The following KIAA1217 variants were observed in gnomAD, a reference collection of about 807,000 sequenced individuals.
KIAA1217 encodes KIAA1217, also known as sickle tail protein homolog.
Under a neutral mutation model 163.9 loss-of-function variants are expected in KIAA1217, and 88 were observed. The observed-to-expected ratio is 0.54, with a 90% CI of 0.45 to 0.64. The LOEUF (loss-of-function observed/expected upper bound fraction) is 0.64, where lower values mean the gene tolerates loss of function less well. Ranked by LOEUF, KIAA1217 falls within the 30% of genes least tolerant of loss-of-function variation. The probability of loss-of-function intolerance (pLI) is 0.00; values close to 1 mark genes in which losing one functional copy is unlikely to be tolerated. For synonymous variants in KIAA1217, 903 were observed against 923.1 expected (o/e 0.98, Z 0.39); for missense variants, 2,372 against 2,475.0 (o/e 0.96, Z 0.88).
chr10:24,462,533 C>A (rs962939435), intron 5 of KIAA1217, among the ~76,000 whole-genome samples: 2 of 152,204 alleles, frequency 1.3e-5, no homozygotes, highest in Non-Finnish European at 2.9e-5. Context: ...GGGGTTCTTG[C>A]TGCCTCACTG....
chr10:24,493,347 G>T (rs945638989), intron 6 of KIAA1217, among the ~76,000 whole-genome samples: 2 of 152,182 alleles, frequency 1.3e-5, no homozygotes, highest in Admixed American at 6.5e-5. Context: ...GGAGATAACA[G>T]CACAGGCAAT....
chr10:23,892,516 C>T (rs73604429), intron 1 of KIAA1217, among the ~76,000 whole-genome samples: 2,154 of 151,978 alleles, frequency 0.014, 57 homozygotes, highest in African/African-American at 0.049. Flanking sequence ...TGCCTCAGGA[C>T]TAGGAGTCTG....
At chr10:23,780,960 C>A (rs1008725948) in intron 1 of KIAA1217, among the ~76,000 whole-genome samples, 9 of 152,116 alleles carry the variant, frequency 5.9e-5, no homozygotes, top group Admixed American at 5.2e-4. Context: ...GGATTACAGG[C>A]GTGAGCCACC....
intron 1 of KIAA1217, among the ~76,000 whole-genome samples, chr10:23,863,224 G>T (rs562842997): frequency 6.6e-6 from 1 of 152,240 alleles, no homozygotes; most frequent in African/African-American, 2.4e-5. Context: ...AGCACTCAAT[G>T]CATATTAACG....
chr10:23,837,270 A>G (rs1250727621), intron 1 of KIAA1217, among the ~76,000 whole-genome samples: 1 of 152,112 alleles, frequency 6.6e-6, no homozygotes, highest in Non-Finnish European at 1.5e-5. Flanking sequence ...GCACTTTCTT[A>G]TGATGGACCT....
intron 9 of KIAA1217, among the ~76,000 whole-genome samples, chr10:24,505,553 T>A (rs1181199249): frequency 6.6e-6 from 1 of 152,106 alleles, no homozygotes; most frequent in Admixed American, 6.6e-5. Flanking sequence ...ACTGCACTTC[T>A]TCCCCTCCTT....
chr10:23,899,506 G>A (rs1260615497), intron 1 of KIAA1217, among the ~76,000 whole-genome samples: 1 of 152,134 alleles, frequency 6.6e-6, no homozygotes, highest in African/African-American at 2.4e-5. Context: ...GAGGGAAAGA[G>A]AGAGAGAAAG....
intron 2 of KIAA1217, among the ~76,000 whole-genome samples, chr10:24,084,910 C>CTTTTTTTTTT (rs1197313508): frequency 8.1e-6 from 1 of 123,810 alleles, no homozygotes; most frequent in Non-Finnish European, 1.7e-5. Context: ...GCAGAGTTTA[C>CTTTTTTTTTT]TTTTTTTTTT....
intron 1 of KIAA1217, among the ~76,000 whole-genome samples, chr10:23,826,658 C>T (rs948074464): frequency 6.6e-6 from 1 of 152,148 alleles, no homozygotes; most frequent in Non-Finnish European, 1.5e-5. Flanking sequence ...CAGGGTGTCC[C>T]TTCCATGCTG....
In KIAA1217 at chr10:24,474,076, G is replaced by A. The variant is rs2063773310; in HGVS notation, c.1679+16G>A. ...GAGAGACCAGGTAAGGTGCAGTGAGGGTGACCGAGGGTGGTACCTGGGCCC... is the reference window on the plus strand; with the variant it reads ...GAGAGACCAGGTAAGGTGCAGTGAGAGTGACCGAGGGTGGTACCTGGGCCC... On this transcript the variant is annotated intron_variant, in intron 6 of 20. Transcript: ENST00000376454. 1 of 1,558,166 alleles carries A rather than the reference G, an allele frequency of 6.4e-7. No individual in the cohort carries two copies. Among genetic ancestry groups the A allele is most frequent in the Non-Finnish European group, 8.7e-7 (1 of 1,149,342 alleles).
At chr10:24,517,809 A>G (rs2070434863) in intron 10 of KIAA1217, among the ~76,000 whole-genome samples, 1 of 152,204 alleles carries the variant, frequency 6.6e-6, no homozygotes, top group Admixed American at 6.5e-5. Context: ...AGTCTGGCCA[A>G]CATGGCGAAT....
chr10:23,933,803 A>G (rs573201090), intron 1 of KIAA1217, among the ~76,000 whole-genome samples: 15 of 152,314 alleles, frequency 9.8e-5, no homozygotes, highest in Non-Finnish European at 1.9e-4. Context: ...AACATCACTG[A>G]TCATCAGAGA....
At chr10:23,988,062 G>A (rs906650355) in intron 1 of KIAA1217, among the ~76,000 whole-genome samples, 4 of 151,810 alleles carry the variant, frequency 2.6e-5, no homozygotes, top group African/African-American at 9.7e-5. Context: ...TTAAAAAGCA[G>A]CGTGGATCCT....
At chr10:23,912,431 A>T (rs1420322898) in intron 1 of KIAA1217, among the ~76,000 whole-genome samples, 2 of 151,640 alleles carry the variant, frequency 1.3e-5, no homozygotes, top group African/African-American at 4.9e-5. Flanking sequence ...TGTACCCATC[A>T]TCTAAATAGC....
chr10:24,388,508 TCATGA>T (rs1234388196), intron 3 of KIAA1217, among the ~76,000 whole-genome samples: 1 of 152,080 alleles, frequency 6.6e-6, no homozygotes, highest in African/African-American at 2.4e-5. Context: ...GGCAAAGACT[TCATGA>T]CTAAAACACC....
chr10:23,728,305 T>C (rs1366644960), intron 1 of KIAA1217, among the ~76,000 whole-genome samples: 1 of 152,212 alleles, frequency 6.6e-6, no homozygotes, highest in African/African-American at 2.4e-5. Flanking sequence ...TTCCTATTTC[T>C]CCACATCCTC....
intron 5 of KIAA1217, among the ~76,000 whole-genome samples, chr10:24,456,718 T>G (rs2061826762): frequency 6.6e-6 from 1 of 151,760 alleles, no homozygotes; most frequent in Non-Finnish European, 1.5e-5. Flanking sequence ...TTTTTTTTTT[T>G]TTGAGACAGA....
At chr10:24,447,849 G>A (rs143249973) in intron 5 of KIAA1217, among the ~76,000 whole-genome samples, 1 of 152,244 alleles carries the variant, frequency 6.6e-6, no homozygotes, top group East Asian at 1.9e-4. Context: ...TAATTACCCT[G>A]GGCTGAGCGC....
At chr10:24,103,998 A>C (rs2062522273) in intron 2 of KIAA1217, among the ~76,000 whole-genome samples, 1 of 152,062 alleles carries the variant, frequency 6.6e-6, no homozygotes, top group Non-Finnish European at 1.5e-5. Flanking sequence ...GTCCCCACCC[A>C]AATCTCATCT....
Sources: gnomAD v4.1 joint callset for allele counts (sites outside exome capture counted in the v4.1 genomes callset) on GRCh38, gnomAD v4.1.1 for gene constraint, MANE v1.5 for transcripts, NCBI Gene and HGNC (gene_info 2026-07-23, HGNC 2026-07-21) for gene names.